Variants in VAT1L observed in about 807,000 individuals in gnomAD.
VAT1L encodes vesicle amine transport 1 like, also known as putative NADPH-dependent quinone oxidoreductase VAT1L.
Under a neutral mutation model 44.1 loss-of-function variants are expected in VAT1L, and 34 were observed. That is an observed-to-expected ratio of 0.77 (90% confidence interval 0.59 to 1.03). The LOEUF (loss-of-function observed/expected upper bound fraction) is 1.03. VAT1L is among the 50% of genes least tolerant of loss of function. VAT1L has a pLI of 0.00. For missense variants in VAT1L, 615 were observed against 538.8 expected (o/e 1.14, Z -1.40); for synonymous variants, 253 against 202.2 (o/e 1.25, Z -2.13).
intron 4 of VAT1L, among the ~76,000 whole-genome samples, chr16:77,875,233 A>C (rs989772260): frequency 1.3e-5 from 2 of 152,188 alleles, no homozygotes; most frequent in Admixed American, 6.6e-5. Flanking sequence ...ATAGTCACAT[A>C]AAGACTCAGC....
At chr16:77,899,566 G>A (rs1297936677) in intron 7 of VAT1L, among the ~76,000 whole-genome samples, 1 of 152,212 alleles carries the variant, frequency 6.6e-6, no homozygotes, top group African/African-American at 2.4e-5. Context: ...TACAACTTGA[G>A]CTTGCTTCTT....
chr16:77,909,333 A>C (rs905317817), intron 7 of VAT1L, among the ~76,000 whole-genome samples: 1 of 152,122 alleles, frequency 6.6e-6, no homozygotes, highest in African/African-American at 2.4e-5. Flanking sequence ...GCCTCTCTGC[A>C]GTAAGGATTA....
intron 7 of VAT1L, among the ~76,000 whole-genome samples, chr16:77,899,909 C>T (rs1187760443): frequency 1.3e-5 from 2 of 152,232 alleles, no homozygotes; most frequent in Non-Finnish European, 2.9e-5. Context: ...CTACAAATTA[C>T]CAACTAGTTA....
At chr16:77,801,714 TAA>T (rs10548911) in intron 1 of VAT1L, 103,214 of 142,868 alleles carry the variant, frequency 0.72, 37,160 homozygotes, top group Admixed American at 0.77. Flanking sequence ...CACTTTCATT[TAA>T]AAAAAAAAAA....
At chr16:77,836,830 A>G (rs1009743806) in intron 3 of VAT1L, among the ~76,000 whole-genome samples, 42 of 152,320 alleles carry the variant, frequency 2.8e-4, no homozygotes, top group African/African-American at 9.9e-4. Context: ...TAAATATCGT[A>G]TAGGTGAATT....
intron 7 of VAT1L, among the ~76,000 whole-genome samples, chr16:77,924,273 T>C (rs1307853303): frequency 6.6e-6 from 1 of 152,156 alleles, no homozygotes; most frequent in Non-Finnish European, 1.5e-5. Flanking sequence ...AGGCAGGATC[T>C]CTTTTTCATG....
intron 7 of VAT1L, among the ~76,000 whole-genome samples, chr16:77,916,156 G>A (rs1264345675): frequency 1.3e-5 from 2 of 152,168 alleles, no homozygotes; most frequent in East Asian, 3.9e-4. Context: ...CTGTACGAAA[G>A]GGGGCCAAGG....
chr16:77,866,865 T>G (rs1835702790), intron 4 of VAT1L, among the ~76,000 whole-genome samples: 1 of 152,156 alleles, frequency 6.6e-6, no homozygotes, highest in Non-Finnish European at 1.5e-5. Flanking sequence ...CTGCAAGGGC[T>G]TTACAAATAA....
Position 77,901,153 on chromosome 16 carries a change from C to CTTTTTTT in VAT1L, c.1077+16375_1077+16381dup, listed in dbSNP as rs538577571. On this transcript the variant is annotated intron_variant, in intron 7 of 8. Coordinates refer to ENST00000302536, the MANE Select transcript of VAT1L (RefSeq NM_020927.3). ...GGTAGGTGTGTGACCAGTAGTTTAC[C>CTTTTTTT]TTTTTTTTTTTTTTTTTTTTTTTTT... is the stretch of plus-strand genomic sequence containing the variant. Among the ~76,000 whole-genome samples, 237 of 90,042 alleles carry CTTTTTTT rather than the reference C, an allele frequency of 2.6e-3. 9 individuals carry two copies. The highest frequency in any genetic ancestry group is 0.011 in the African/African-American group (233 of 20,810). The allele number at this position is 90,042 out of a possible 152,430, so 59.1% of individuals were successfully genotyped here. A position where few individuals can be genotyped will look rare whatever the true frequency, so the allele number is the denominator to read the frequency against.
intron 1 of VAT1L, chr16:77,801,102 T>C (rs576431830): frequency 6.6e-6 from 1 of 152,362 alleles, no homozygotes; most frequent in Admixed American, 6.5e-5. Context: ...TTGCTGGGGT[T>C]ACAAGCGTGA....
chr16:77,908,904 A>T lies in VAT1L; in HGVS notation c.1077+24102A>T, dbSNP rs572615134. Among the ~76,000 whole-genome samples, 24 of 152,242 alleles carry T rather than the reference A, an allele frequency of 1.6e-4. 2 individuals carry two copies. In the South Asian group the frequency reaches 5.0e-3, roughly 32 times the overall value. ...ACTCCAGCCTGGGCGACAGAGCAAG[A>T]CCCCGTCTTAAAAACAAAATAAAAA... On this transcript the variant is annotated intron_variant, in intron 7 of 8. Coordinates refer to ENST00000302536, the MANE Select transcript of VAT1L (RefSeq NM_020927.3).
chr16:77,952,007 A>C (rs1199314481), intron 7 of VAT1L, among the ~76,000 whole-genome samples: 2 of 152,152 alleles, frequency 1.3e-5, no homozygotes, highest in East Asian at 3.9e-4. Flanking sequence ...GGAAGAAGGC[A>C]GGTGAGCTGA....
chr16:77,960,460 G>A (rs760921206), intron 7 of VAT1L, among the ~76,000 whole-genome samples: 11 of 152,130 alleles, frequency 7.2e-5, no homozygotes, highest in African/African-American at 1.9e-4. Context: ...GAAGGGGCAC[G>A]AGGAAGCAAA....
Position 77,788,923 on chromosome 16 carries a change from A to C in VAT1L, c.233+8A>C. 8.8e-6 allele frequency: 13 copies of C among 1,474,298 alleles called. No individual in the cohort carries two copies. The highest frequency in any genetic ancestry group is 1.1e-5 in the Non-Finnish European group (12 of 1,113,738). 91.3% of individuals were successfully genotyped at this position (1,474,298 alleles called of 1,614,324 possible). A position where few individuals can be genotyped will look rare whatever the true frequency, so the allele number is the denominator to read the frequency against. On this transcript the variant is annotated splice_region_variant and intron_variant, in intron 1 of 8. Coordinates refer to ENST00000302536, the MANE Select transcript of VAT1L (RefSeq NM_020927.3). ...GATCCGCGTCAAAGCCTGGTCCAGT[A>C]TCCGCGCCTTTCTCGCTTTCTCTCT...
At chr16:77,942,785 C>G (rs901295204) in intron 7 of VAT1L, among the ~76,000 whole-genome samples, 3 of 152,132 alleles carry the variant, frequency 2.0e-5, no homozygotes, top group African/African-American at 7.2e-5. Flanking sequence ...CACTCTGTCA[C>G]CCAGGCTAGA....
In VAT1L at chr16:77,879,202, G is replaced by C. The variant is rs1223770792; in HGVS notation, c.860G>C (p.Ser287Thr). 1 of 1,614,194 alleles carries C rather than the reference G, an allele frequency of 6.2e-7. No individual in the cohort carries two copies. The highest frequency in any genetic ancestry group is 1.7e-5 in the Admixed American group (1 of 60,030). The change falls in exon 6 of 9, where the codon AGC (serine) becomes ACC (threonine). Residue 287 changes from serine (S) to threonine (T), a missense_variant. By Grantham distance (58) the Ser-to-Thr change is moderately conservative. Transcript: ENST00000302536. The surrounding 1 kb of genome is among the most constrained non-coding windows in gnomAD (Gnocchi z 4.1). ...SSNMVTGETK[S>T]FFSFAKSWWQ... ...AACATGGTAACTGGAGAGACCAAGA[G>C]CTTCTTCAGCTTTGCAAAATCAGTA...
chr16:77,800,595 C>G (rs1014915289), intron 1 of VAT1L: 8 of 152,220 alleles, frequency 5.3e-5, no homozygotes, highest in African/African-American at 1.9e-4. Context: ...GATCCTGAAC[C>G]TTTCCTATTG....
At position 77,979,086 on chromosome 16, in the gene VAT1L, CA is replaced by C. The variant is rs1318127439; in HGVS notation, c.*1393del. The C allele has an allele frequency of 1.3e-5, 2 of 152,530 alleles. No homozygotes were observed. Among genetic ancestry groups the C allele is most frequent in the Non-Finnish European group, 2.9e-5 (2 of 68,040 alleles). The allele number at this position is 152,530 out of a possible 1,614,324, so 9.4% of individuals were successfully genotyped here. A position where few individuals can be genotyped will look rare whatever the true frequency, so the allele number is the denominator to read the frequency against. ...CCACCAACAAGCCTTAGGGTGGACC[CA>C]ACCCTTTCCGCAAGTGGTAGGAACG... is the stretch of plus-strand genomic sequence containing the variant. On this transcript the variant is annotated 3_prime_UTR_variant, in exon 9 of 9. Coordinates refer to ENST00000302536, the MANE Select transcript of VAT1L (RefSeq NM_020927.3).
intron 3 of VAT1L, among the ~76,000 whole-genome samples, chr16:77,825,760 T>C (rs945931591): frequency 1.3e-5 from 2 of 151,586 alleles, no homozygotes; most frequent in African/African-American, 4.9e-5. Context: ...CTCACGCCTG[T>C]AATCCCAGCA....
Sources: allele counts gnomAD v4.1 joint callset (sites outside exome capture counted in the v4.1 genomes callset), GRCh38; gene constraint gnomAD v4.1.1; non-coding constraint Gnocchi (gnomAD v3.1); transcripts MANE v1.5; gene names NCBI Gene and HGNC (gene_info 2026-07-23, HGNC 2026-07-21).